The following CASP5 variants were observed in gnomAD, a reference collection of about 807,000 sequenced individuals.
CASP5 encodes the protein caspase-5.
In CASP5, 42 loss-of-function variants were observed where a neutral mutation model predicts 45.2. The ratio of observed to expected loss-of-function variants is 0.93; its 90% CI spans 0.73 to 1.20. The LOEUF (loss-of-function observed/expected upper bound fraction) is 1.20. CASP5 is among the 50% of genes most tolerant of loss of function. The probability of loss-of-function intolerance (pLI) is 0.00; values close to 1 mark genes in which losing one functional copy is unlikely to be tolerated. For missense variants in CASP5, 512 were observed against 532.2 expected (o/e 0.96, Z 0.37); for synonymous variants, 209 against 186.2 (o/e 1.12, Z -1.00).
intron 1 of CASP5, among the ~76,000 whole-genome samples, chr11:105,018,185 C>G (rs1464895066): frequency 6.6e-6 from 1 of 151,652 alleles, no homozygotes; most frequent in African/African-American, 2.4e-5. Flanking sequence ...ACAACCGGTA[C>G]CAGCCGCTGC....
At chr11:105,021,463 G>GA (rs1862956478) in intron 1 of CASP5, among the ~76,000 whole-genome samples, 2 of 149,832 alleles carry the variant, frequency 1.3e-5, no homozygotes, top group South Asian at 4.2e-4. Context: ...AAATTTACAA[G>GA]AAAAAAACAA....
chr11:105,007,036 A>G, intron 3 of CASP5, 47 bp downstream of exon 3: 1 of 1,528,806 alleles, frequency 6.5e-7, no homozygotes, highest in South Asian at 1.2e-5. Context: ...GGAGTTGAAT[A>G]TATTCTGGAA....
chr11:105,008,207 C>A (rs569962539), intron 2 of CASP5, among the ~76,000 whole-genome samples: 7 of 152,102 alleles, frequency 4.6e-5, no homozygotes, highest in African/African-American at 1.7e-4. Flanking sequence ...AAAGTTGGAA[C>A]AAATTTGTTT....
chr11:105,003,237 C>A, intron 4 of CASP5, 37 bp downstream of exon 4: 1 of 1,236,722 alleles, frequency 8.1e-7, no homozygotes. Context: ...GCAATTGTTT[C>A]TCTCTTCTTC....
In CASP5 at chr11:105,016,768, A is replaced by C. The variant is rs540290326; in HGVS notation, c.7+6362T>G. Among the ~76,000 whole-genome samples the C allele has an allele frequency of 3.3e-5, 5 of 152,232 alleles. No homozygotes were observed. The East Asian group carries it at 5.8e-4, about 18-fold the overall frequency. ...TTGCCCAGGCTTGCTTAGGTAAACAAAGCAGCCAGGAAGCTCGAACTGGGT... is the reference window on the plus strand; with the variant it reads ...TTGCCCAGGCTTGCTTAGGTAAACACAGCAGCCAGGAAGCTCGAACTGGGT... On this transcript the variant is annotated intron_variant, in intron 1 of 9. Coordinates refer to ENST00000260315, the MANE Select transcript of CASP5 (RefSeq NM_004347.5).
At chr11:105,018,523 G>A (rs928118054) in intron 1 of CASP5, among the ~76,000 whole-genome samples, 3 of 148,244 alleles carry the variant, frequency 2.0e-5, no homozygotes, top group Admixed American at 1.4e-4. Flanking sequence ...TGATAAAACA[G>A]ACTTTAAACC....
chr11:105,022,325 A>T (rs188377295), intron 1 of CASP5, among the ~76,000 whole-genome samples: 42 of 152,006 alleles, frequency 2.8e-4, no homozygotes, highest in Admixed American at 1.7e-3. Flanking sequence ...ATAAATAAAT[A>T]AATTAAAGAA....
rs150806636 is a variant in CASP5, at chr11:104,995,793, A to G, written c.1256T>C (p.Ile419Thr). ...VPQAKAQMPT[I>T]ERATLTRDFY... is the part of the protein sequence containing the mutation. ...ATCTCTTGTCAAGGTTGCTCGTTCT[A>G]TGGTGGGCATCTGGGCTTTAGCCTG... Residue 419 changes from isoleucine (I) to threonine (T), a missense_variant, in exon 9 of 10, where the codon ATA becomes ACA. Transcript: ENST00000260315. The G allele has an allele frequency of 9.9e-5, 160 of 1,612,758 alleles. No individual in the cohort carries two copies. The highest frequency in any genetic ancestry group is 1.3e-4 in the Non-Finnish European group (157 of 1,179,126).
chr11:104,995,690 C>A (rs3181333), intron 9 of CASP5, 50 bp downstream of exon 9: 2 of 1,204,488 alleles, frequency 1.7e-6, no homozygotes, highest in Non-Finnish European at 2.4e-6. Flanking sequence ...ACTTCACCAC[C>A]GATATAGCTC....
At chr11:105,016,550 C>T (rs540552951) in intron 1 of CASP5, among the ~76,000 whole-genome samples, 9 of 152,320 alleles carry the variant, frequency 5.9e-5, no homozygotes, top group East Asian at 3.9e-4. Context: ...GGGTGACACA[C>T]GGCACCTGGA....
At chr11:104,999,073 TC>T in intron 6 of CASP5, 45 bp from the exon 7 acceptor site, 1 of 1,528,072 alleles carries the variant, frequency 6.5e-7, no homozygotes, top group Non-Finnish European at 8.9e-7. Context: ...TACTTTAAGT[TC>T]CAGAATAGAA....
intron 3 of CASP5, among the ~76,000 whole-genome samples, chr11:105,005,979 G>A (rs954825837): frequency 2.0e-5 from 3 of 152,076 alleles, no homozygotes; most frequent in Non-Finnish European, 4.4e-5. Context: ...ACAGAGAAGG[G>A]GAGTTTATTT....
At chr11:105,015,196 C>G (rs1862528184) in intron 1 of CASP5, among the ~76,000 whole-genome samples, 1 of 152,172 alleles carries the variant, frequency 6.6e-6, no homozygotes, top group African/African-American at 2.4e-5. Context: ...ATTCACTCTT[C>G]TCAACAGACA....
chr11:105,008,467 A>T (rs1481451888), intron 2 of CASP5, among the ~76,000 whole-genome samples: 2 of 152,056 alleles, frequency 1.3e-5, no homozygotes, highest in Non-Finnish European at 2.9e-5. Flanking sequence ...AAGACTGATG[A>T]TTAGGGAGCA....
chr11:105,009,150 C>G (rs1862150239), intron 1 of CASP5, 170 bp from the exon 2 acceptor site: 2 of 631,730 alleles, frequency 3.2e-6, no homozygotes, highest in Non-Finnish European at 5.5e-6. Context: ...TCTCACCCAT[C>G]AAATTCCTAC....
chr11:104,999,131 G>A, intron 6 of CASP5, 103 bp from the exon 7 acceptor site: 1 of 992,182 alleles, frequency 1.0e-6, no homozygotes, highest in Non-Finnish European at 1.5e-6. Context: ...GTACCATTGT[G>A]GTTTGCTGCA....
chr11:105,016,031 A>G (rs1359864161), intron 1 of CASP5, among the ~76,000 whole-genome samples: 1 of 152,218 alleles, frequency 6.6e-6, no homozygotes, highest in Non-Finnish European at 1.5e-5. Context: ...GAAAGTTTAG[A>G]TATTTTTAAA....
chr11:105,002,962 C>T (rs1263020788), intron 4 of CASP5, among the ~76,000 whole-genome samples: 3 of 151,918 alleles, frequency 2.0e-5, no homozygotes, highest in South Asian at 2.1e-4. Context: ...CTTTGGGAGG[C>T]CAAGGCTGTG....
At chr11:105,008,576 T>C (rs1464454269) in intron 2 of CASP5, among the ~76,000 whole-genome samples, 1 of 152,022 alleles carries the variant, frequency 6.6e-6, no homozygotes, top group Non-Finnish European at 1.5e-5. Context: ...TACTATTAAT[T>C]ATTTCCATGC....
Sources: gnomAD v4.1 joint callset for allele counts (sites outside exome capture counted in the v4.1 genomes callset) on GRCh38, gnomAD v4.1.1 for gene constraint, MANE v1.5 for transcripts, NCBI Gene and HGNC (gene_info 2026-07-23, HGNC 2026-07-21) for gene names.